The following LRMDA variants were observed in gnomAD, a reference collection of about 807,000 sequenced individuals.
LRMDA encodes leucine-rich melanocyte differentiation-associated protein.
In LRMDA, 18 loss-of-function variants were observed where a neutral mutation model predicts 29.8. The ratio of observed to expected loss-of-function variants is 0.60; its 90% confidence interval spans 0.42 to 0.90. The LOEUF is 0.90. LRMDA is among the 40% of genes least tolerant of loss of function. The pLI is 0.00. For synonymous variants in LRMDA, 125 were observed against 109.4 expected, an observed-to-expected ratio of 1.14 and a Z score of -0.89; for missense variants, 273 against 273.9, an observed-to-expected ratio of 1.00 and a Z score of 0.02.
chr10:76,076,498 G>T (rs1848961655), intron 5 of LRMDA, among the ~76,000 whole-genome samples: 1 of 151,740 alleles, frequency 6.6e-6, no homozygotes, highest in African/African-American at 2.4e-5. Context: ...GGGAAGCATT[G>T]TCACGCACGT....
At chr10:76,372,587 C>G (rs547619243) in intron 6 of LRMDA, among the ~76,000 whole-genome samples, 3 of 123,448 alleles carry the variant, frequency 2.4e-5, no homozygotes, top group South Asian at 4.9e-4. Context: ...GCACTCCAGC[C>G]TGGGTGACAG....
At chr10:76,163,222 A>G (rs989565816) in intron 5 of LRMDA, among the ~76,000 whole-genome samples, 5 of 152,180 alleles carry the variant, frequency 3.3e-5, no homozygotes, top group Admixed American at 3.3e-4. Flanking sequence ...GGATATTATC[A>G]TTTTTAATGT....
At chr10:75,472,936 G>A (rs975493453) in intron 2 of LRMDA, among the ~76,000 whole-genome samples, 3 of 152,216 alleles carry the variant, frequency 2.0e-5, no homozygotes, top group African/African-American at 7.2e-5. Flanking sequence ...GGCATTCAGG[G>A]TTCAGAGGGC....
chr10:76,278,171 T>C (rs1840159527), intron 5 of LRMDA, among the ~76,000 whole-genome samples: 1 of 152,212 alleles, frequency 6.6e-6, no homozygotes, highest in South Asian at 2.1e-4. Flanking sequence ...AGCTGTACTA[T>C]ACCTCCAGTT....
intron 5 of LRMDA, among the ~76,000 whole-genome samples, chr10:76,238,338 A>G (rs1852199531): frequency 6.6e-6 from 1 of 152,140 alleles, no homozygotes; most frequent in Non-Finnish European, 1.5e-5. Flanking sequence ...ACTGAGGATA[A>G]AAGACTTTTA....
intron 4 of LRMDA, among the ~76,000 whole-genome samples, chr10:76,051,602 A>G (rs1373607857): frequency 6.6e-6 from 1 of 152,232 alleles, no homozygotes; most frequent in Non-Finnish European, 1.5e-5. Flanking sequence ...TTATATAAGG[A>G]AATTGGAATA....
At chr10:76,363,492 A>G (rs984650793) in intron 6 of LRMDA, among the ~76,000 whole-genome samples, 6 of 152,112 alleles carry the variant, frequency 3.9e-5, no homozygotes, top group African/African-American at 1.4e-4. Context: ...ATTAATATGC[A>G]AGTCAATTGT....
intron 2 of LRMDA, among the ~76,000 whole-genome samples, chr10:75,834,356 T>C (rs1327417326): frequency 6.6e-6 from 1 of 152,226 alleles, no homozygotes; most frequent in Non-Finnish European, 1.5e-5. Flanking sequence ...AAGAATACTC[T>C]GATATTTTGA....
intron 5 of LRMDA, among the ~76,000 whole-genome samples, chr10:76,254,353 C>CTATGCTATGCTATG (rs1564701519): frequency 2.5e-5 from 1 of 40,346 alleles, no homozygotes; most frequent in Non-Finnish European, 6.1e-5. Flanking sequence ...CCTATCCTAT[C>CTATGCTATGCTATG]CTATCCTATG....
At chr10:76,444,665 A>G (rs1424489927) in intron 6 of LRMDA, among the ~76,000 whole-genome samples, 1 of 152,132 alleles carries the variant, frequency 6.6e-6, no homozygotes, top group Non-Finnish European at 1.5e-5. Flanking sequence ...AACTCACCCT[A>G]TCACACGTTG....
At chr10:75,660,320 G>T (rs1330991171) in intron 2 of LRMDA, among the ~76,000 whole-genome samples, 1 of 152,220 alleles carries the variant, frequency 6.6e-6, no homozygotes, top group East Asian at 1.9e-4. Flanking sequence ...TCAAAACCTA[G>T]TAATTGTTTT....
intron 6 of LRMDA, among the ~76,000 whole-genome samples, chr10:76,535,295 T>A (rs892464882): frequency 6.6e-5 from 10 of 152,170 alleles, no homozygotes; most frequent in African/African-American, 2.4e-4. Context: ...GTGGAATATA[T>A]GCTCTTGAGG....
intron 5 of LRMDA, among the ~76,000 whole-genome samples, chr10:76,301,649 C>T (rs1840481863): frequency 6.6e-6 from 1 of 152,166 alleles, no homozygotes; most frequent in Non-Finnish European, 1.5e-5. Context: ...AAAAAACCCA[C>T]CACAGAGCAT....
chr10:76,517,206 A>T (rs988046304), intron 6 of LRMDA, among the ~76,000 whole-genome samples: 1 of 152,190 alleles, frequency 6.6e-6, no homozygotes, highest in African/African-American at 2.4e-5. Flanking sequence ...GGCAGCTGAG[A>T]ATTCTTCAAA....
At chr10:76,342,040 G>T (rs1012709963) in intron 6 of LRMDA, among the ~76,000 whole-genome samples, 4 of 152,136 alleles carry the variant, frequency 2.6e-5, no homozygotes, top group Admixed American at 2.0e-4. Flanking sequence ...CAGAAGTATT[G>T]CTCTGACTGA....
chr10:76,491,583 CT>C (rs1229356803), intron 6 of LRMDA, among the ~76,000 whole-genome samples: 1 of 151,832 alleles, frequency 6.6e-6, no homozygotes, highest in East Asian at 1.9e-4. Context: ...ATTTTTTTCT[CT>C]TGCTACTTTT....
chr10:75,908,568 C>G (rs148624930), intron 2 of LRMDA, among the ~76,000 whole-genome samples: 1 of 152,250 alleles, frequency 6.6e-6, no homozygotes, highest in Non-Finnish European at 1.5e-5. Flanking sequence ...TCTTTGAGAG[C>G]TGAGTCTTAT....
chr10:75,921,959 A>G (rs1265345299), intron 2 of LRMDA, among the ~76,000 whole-genome samples: 2 of 152,084 alleles, frequency 1.3e-5, no homozygotes, highest in Admixed American at 6.5e-5. Context: ...GCATCCTCCA[A>G]TTGTTCTCCT....
At chr10:75,731,256 C>T (rs1842693332) in intron 2 of LRMDA, among the ~76,000 whole-genome samples, 1 of 152,192 alleles carries the variant, frequency 6.6e-6, no homozygotes. Flanking sequence ...GATATGGTAA[C>T]TTCAAGGACA....
Sources: allele counts gnomAD v4.1 joint callset (sites outside exome capture counted in the v4.1 genomes callset), GRCh38; gene constraint gnomAD v4.1.1; transcripts MANE v1.5; gene names NCBI Gene and HGNC (gene_info 2026-07-23, HGNC 2026-07-21).